ZC3H13: variants seen among roughly 807,000 people sequenced by gnomAD.
ZC3H13 encodes zinc finger CCCH-type containing 13.
ZC3H13 carries 64 observed loss-of-function variants against 204.1 expected under a neutral mutation model. The observed-to-expected ratio is 0.31, with a 90% CI of 0.26 to 0.39. The LOEUF (loss-of-function observed/expected upper bound fraction) is 0.39. Ranked by LOEUF, ZC3H13 falls within the 10% of genes least tolerant of loss-of-function variation. ZC3H13 has a pLI of 1.00. For missense variants in ZC3H13, 1,833 were observed against 2,082.7 expected (o/e 0.88, Z 2.33); for synonymous variants, 667 against 693.7 (o/e 0.96, Z 0.60).
chr13:45,988,533 A>C (rs2039722757), intron 9 of ZC3H13, among the ~76,000 whole-genome samples: 1 of 152,208 alleles, frequency 6.6e-6, no homozygotes, highest in Non-Finnish European at 1.5e-5. Context: ...TTGAGATTAC[A>C]GGCGTGAGCC....
intron 6 of ZC3H13, 60 bp from the exon 7 acceptor site, chr13:46,010,565 T>TA (rs2041481733): frequency 6.5e-7 from 1 of 1,529,068 alleles, no homozygotes; most frequent in Admixed American, 1.8e-5. Flanking sequence ...CAACAAGACT[T>TA]ACAGTATTTT....
chr13:46,036,769 C>CGA (rs1268685554), intron 4 of ZC3H13, among the ~76,000 whole-genome samples: 8 of 151,994 alleles, frequency 5.3e-5, no homozygotes, highest in African/African-American at 1.9e-4. Flanking sequence ...TACTCTGTCA[C>CGA]CCAGGCTAGC....
intron 3 of ZC3H13, among the ~76,000 whole-genome samples, chr13:46,043,916 G>A (rs540306296): frequency 1.3e-5 from 2 of 151,784 alleles, no homozygotes; most frequent in South Asian, 2.1e-4. Flanking sequence ...TAAAAGTATC[G>A]AAATAGTTTC....
rs778119214 is a variant in ZC3H13, at chr13:45,970,426, C to G, written c.2508G>C (p.Gln836His). ...AATGTTCACGCCGGCGCTTCGGGGA[C>G]TGTCTAGGGCTGGGACTCCCTTCAT... Reference protein sequence around the residue: ...YRNEGSPSPRQSPKRRREHSP... With the variant: ...YRNEGSPSPRHSPKRRREHSP... Residue 836 changes from glutamine (Q) to histidine (H), a missense_variant, in exon 13 of 19, where the codon CAG becomes CAC. This residue lies in a region of ZC3H13 where 1,574 missense variants were observed against 1,757.2 expected (regional missense o/e 0.90). Transcript: ENST00000679008. The G allele has an allele frequency of 9.0e-5, 146 of 1,613,752 alleles. No individual in the cohort carries two copies. Among genetic ancestry groups the G allele is most frequent in the Non-Finnish European group, 1.2e-4 (145 of 1,179,828 alleles).
In ZC3H13 at chr13:46,020,452, C is replaced by G. The variant is rs1158580183; in HGVS notation, c.445G>C (p.Asp149His). 1 of 1,601,644 alleles carries G rather than the reference C, an allele frequency of 6.2e-7. No homozygotes were observed. The highest frequency in any genetic ancestry group is 8.5e-7 in the Non-Finnish European group (1 of 1,172,412). Residue 149 changes from aspartate to histidine, a missense_variant, in exon 5 of 19, where the codon GAT (aspartate) becomes CAT (histidine). Asp to His is a moderately conservative substitution (Grantham distance 81, BLOSUM62 -1). This residue lies in a region of ZC3H13 where 1,574 missense variants were observed against 1,757.2 expected (regional missense o/e 0.90). Coordinates refer to ENST00000679008, the MANE Select transcript of ZC3H13 (RefSeq NM_001330564.2). ...AAACCAAGATTCTGAAACTCACCAT[C>G]TCTATTAGTTTCCCATTCTACATTT... ...EENVEWETNR[D>H]DSDNGDINYD...
intron 4 of ZC3H13, among the ~76,000 whole-genome samples, chr13:46,039,156 A>G (rs1566349752): frequency 6.6e-6 from 1 of 152,240 alleles, no homozygotes; most frequent in Non-Finnish European, 1.5e-5. Context: ...GGTATACACG[A>G]TGCTCAGTGC....
At position 45,955,596 on chromosome 13, in the gene ZC3H13, G is replaced by C. The variant is rs1951235293; in HGVS notation, c.*1531C>G. ...AGAAATTCTAGGACTTTAAATCTTTGTGCTACAGAGAACAATATTATCCAC... is the reference window on the plus strand; with the variant it reads ...AGAAATTCTAGGACTTTAAATCTTTCTGCTACAGAGAACAATATTATCCAC... On this transcript the variant is annotated 3_prime_UTR_variant, in exon 19 of 19. Transcript: ENST00000679008. The C allele has an allele frequency of 6.6e-6, 1 of 152,038 alleles. No homozygotes were observed. The highest frequency in any genetic ancestry group is 2.1e-4 in the South Asian group (1 of 4,828). The allele number at this position is 152,038 out of a possible 1,614,324, so 9.4% of individuals were successfully genotyped here.
At position 45,957,271 on chromosome 13, in the gene ZC3H13, A is replaced by C. The variant is rs1166500870; in HGVS notation, c.4866T>G (p.Ser1622Arg). ...EKGTIKQAYTSAPMVDNELLR... is the reference protein window; with the variant it reads ...EKGTIKQAYTRAPMVDNELLR... ...GTAATTCATTGTCTACCATTGGAGC[A>C]CTCGTGTAAGCTTGTTTTATGGTGC... Residue 1622 changes from serine (S) to arginine (R), a missense_variant, in exon 19 of 19, where the codon AGT (serine) becomes AGG (arginine). Physicochemically the swap from Ser to Arg is moderately radical, Grantham distance 110. Around this residue, in one of 5 missense-constraint regions of ZC3H13, gnomAD observed 211 missense variants for 228.4 expected, o/e 0.92. Transcript: ENST00000679008. 1 of 1,542,894 alleles carries C rather than the reference A, an allele frequency of 6.5e-7. No homozygotes were observed. Among genetic ancestry groups the C allele is most frequent in the Non-Finnish European group, 8.8e-7 (1 of 1,142,678 alleles).
intron 5 of ZC3H13, among the ~76,000 whole-genome samples, chr13:46,012,011 T>C (rs576685275): frequency 2.0e-5 from 3 of 152,354 alleles, no homozygotes; most frequent in South Asian, 4.1e-4. Context: ...ATTGCTTCCA[T>C]AGGCTTTTCA....
intron 8 of ZC3H13, 42 bp from the exon 9 acceptor site, chr13:45,989,139 C>A: frequency 1.9e-6 from 3 of 1,552,822 alleles, no homozygotes; most frequent in Admixed American, 1.9e-5. Context: ...TATTCAAGAG[C>A]TTCATTTCTA....
In ZC3H13 at chr13:45,959,503, G is replaced by A. The variant is rs1484619746; in HGVS notation, c.4819C>T (p.Gln1607Ter). ...AGTACCTTCTCATTTTTAACAAGCT[G>A]CTTTCGAATTGCAGAATCCCGTCTG... is the stretch of plus-strand genomic sequence containing the variant. ...CFRRDSAIRKQLVKNEKGTIK... is the reference protein window; with the variant it reads ...CFRRDSAIRK Residue 1607 changes from glutamine (Q) to a stop codon, truncating the protein, a stop_gained, in exon 18 of 19, where the codon CAG becomes TAG. Transcript: ENST00000679008. LOFTEE classifies it high-confidence loss of function. The A allele has an allele frequency of 6.5e-7, 1 of 1,542,578 alleles. No individual in the cohort carries two copies. Among genetic ancestry groups the A allele is most frequent in the Non-Finnish European group, 8.7e-7 (1 of 1,144,054 alleles).
At chr13:45,959,980 A>G (rs1951560069) in intron 17 of ZC3H13, among the ~76,000 whole-genome samples, 1 of 151,960 alleles carries the variant, frequency 6.6e-6, no homozygotes. Context: ...GAGATAAAGT[A>G]TCTCTCTGTT....
At chr13:46,022,952 T>C (rs962872851) in intron 4 of ZC3H13, among the ~76,000 whole-genome samples, 1 of 152,172 alleles carries the variant, frequency 6.6e-6, no homozygotes, top group Non-Finnish European at 1.5e-5. Flanking sequence ...ATGTAATACA[T>C]GATTTTAGAT....
intron 13 of ZC3H13, 28 bp downstream of exon 13, chr13:45,970,334 A>G (rs1952480696): frequency 1.2e-6 from 2 of 1,601,474 alleles, no homozygotes; most frequent in South Asian, 1.1e-5. Context: ...ATATGAATAT[A>G]GAGAGACAGA....
intron 9 of ZC3H13, among the ~76,000 whole-genome samples, chr13:45,986,444 G>A (rs995806001): frequency 1.3e-5 from 2 of 151,836 alleles, no homozygotes; most frequent in South Asian, 2.1e-4. Flanking sequence ...TAAAATGAAC[G>A]AACAAAAAAG....
At position 45,957,100 on chromosome 13, in the gene ZC3H13, C is replaced by A. The variant is rs775668638; in HGVS notation, c.*27G>T. ...TATGCACTGCTGAAGGAAGACAGTA[C>A]CAAAAATACCATATTGAACTTCGGT... On this transcript the variant is annotated 3_prime_UTR_variant, in exon 19 of 19. Transcript: ENST00000679008. 3 of 1,427,008 alleles carry A rather than the reference C, an allele frequency of 2.1e-6. No individual in the cohort carries two copies. The highest frequency in any genetic ancestry group is 3.3e-5 in the South Asian group (2 of 61,362). 88.4% of individuals were successfully genotyped at this position (1,427,008 alleles called of 1,614,324 possible).
intron 7 of ZC3H13, among the ~76,000 whole-genome samples, chr13:46,006,737 T>G (rs944296843): frequency 1.4e-5 from 2 of 143,312 alleles, no homozygotes; most frequent in Non-Finnish European, 3.0e-5. Context: ...AGATAGTATC[T>G]ACCTCAAAAT....
Position 45,963,952 on chromosome 13 carries a change from A to G in ZC3H13, c.4565T>C (p.Phe1522Ser). Reference sequence around the variant, plus strand: ...TCTTAGCATAACAGCTCCAGGTGTGAATTTTAAGAGTGCAGCCCCAGGCTC... The same window carrying G: ...TCTTAGCATAACAGCTCCAGGTGTGGATTTTAAGAGTGCAGCCCCAGGCTC... ...PREPGAALLK[F>S]TPGAVMLRVG... The change falls in exon 17 of 19, where the codon TTC becomes TCC. Residue 1522 changes from phenylalanine (F) to serine (S), a missense_variant. Coordinates refer to ENST00000679008, the MANE Select transcript of ZC3H13 (RefSeq NM_001330564.2). 1 of 1,614,174 alleles carries G rather than the reference A, an allele frequency of 6.2e-7. No individual in the cohort carries two copies. The highest frequency in any genetic ancestry group is 1.1e-5 in the South Asian group (1 of 91,090).
chr13:45,972,740 C>T (rs1952689882), intron 12 of ZC3H13, among the ~76,000 whole-genome samples: 1 of 152,148 alleles, frequency 6.6e-6, no homozygotes, highest in South Asian at 2.1e-4. Flanking sequence ...CAATAACTGG[C>T]CTATTTCCCC....
Sources: gnomAD v4.1 joint callset for allele counts (sites outside exome capture counted in the v4.1 genomes callset) on GRCh38, gnomAD v4.1.1 for gene constraint, gnomAD v4.1.1 regional missense constraint, MANE v1.5 for transcripts, NCBI Gene and HGNC (gene_info 2026-07-23, HGNC 2026-07-21) for gene names.